Variants in KCNMB2 observed in about 807,000 individuals in gnomAD.
KCNMB2 encodes the protein potassium calcium-activated channel subfamily M regulatory beta subunit 2.
Under a neutral mutation model 24.5 loss-of-function variants are expected in KCNMB2, and 9 were observed. That is an observed-to-expected ratio of 0.37 (90% confidence interval 0.22 to 0.64). The LOEUF (loss-of-function observed/expected upper bound fraction) is 0.64. Ranked by LOEUF, KCNMB2 falls within the 30% of genes least tolerant of loss-of-function variation. The pLI is 0.63. For missense variants in KCNMB2, 226 were observed against 284.3 expected, an observed-to-expected ratio of 0.79 and a Z score of 1.47; for synonymous variants, 109 against 104.4, an observed-to-expected ratio of 1.04 and a Z score of -0.27.
chr3:178,696,823 G>C (rs1009144714), intron 1 of KCNMB2, among the ~76,000 whole-genome samples: 3 of 151,718 alleles, frequency 2.0e-5, no homozygotes, highest in Non-Finnish European at 2.9e-5. Context: ...AGTAAATAAT[G>C]ATATTATTTA....
At chr3:178,564,681 TA>T (rs1716455122) in intron 1 of KCNMB2, among the ~76,000 whole-genome samples, 1 of 152,164 alleles carries the variant, frequency 6.6e-6, no homozygotes, top group Admixed American at 6.5e-5. Flanking sequence ...GAGCTCAGTT[TA>T]AAAAACTTGC....
chr3:178,824,444 T>C (rs1456374948), intron 2 of KCNMB2: 2 of 152,294 alleles, frequency 1.3e-5, no homozygotes, highest in African/African-American at 4.8e-5. Flanking sequence ...CTTGGCTCAC[T>C]GCAAGCTCCG....
At chr3:178,660,381 A>G (rs1720482398) in intron 1 of KCNMB2, among the ~76,000 whole-genome samples, 1 of 152,142 alleles carries the variant, frequency 6.6e-6, no homozygotes, top group African/African-American at 2.4e-5. Context: ...AGATATTACC[A>G]TCAGGACTAG....
At chr3:178,689,227 G>A (rs1435925377) in intron 1 of KCNMB2, among the ~76,000 whole-genome samples, 1 of 152,058 alleles carries the variant, frequency 6.6e-6, no homozygotes, top group Non-Finnish European at 1.5e-5. Flanking sequence ...ATAATGATGA[G>A]CATCTTTATA....
chr3:178,601,465 T>C (rs1477773), intron 1 of KCNMB2, among the ~76,000 whole-genome samples: 81,973 of 152,120 alleles, frequency 0.54, 23,775 homozygotes, highest in African/African-American at 0.77. Context: ...GTTTTTCAGT[T>C]GTACGAAAAT....
At chr3:178,665,959 G>A (rs542654881) in intron 1 of KCNMB2, among the ~76,000 whole-genome samples, 2 of 152,072 alleles carry the variant, frequency 1.3e-5, no homozygotes, top group Non-Finnish European at 2.9e-5. Flanking sequence ...TTTCTATTAC[G>A]CCTCCAGCTA....
chr3:178,755,019 T>C (rs1276779179), intron 1 of KCNMB2, among the ~76,000 whole-genome samples: 1 of 152,218 alleles, frequency 6.6e-6, no homozygotes, highest in Non-Finnish European at 1.5e-5. Flanking sequence ...AGATGGACCA[T>C]TTCCCCATTC....
chr3:178,573,738 C>T (rs1716891173), intron 1 of KCNMB2, among the ~76,000 whole-genome samples: 2 of 117,530 alleles, frequency 1.7e-5, no homozygotes, highest in African/African-American at 3.6e-5. Context: ...CAGAGTGAGA[C>T]CCTGTCTCAA....
chr3:178,606,156 C>T (rs1000486831), intron 1 of KCNMB2, among the ~76,000 whole-genome samples: 2 of 152,120 alleles, frequency 1.3e-5, no homozygotes, highest in Non-Finnish European at 2.9e-5. Flanking sequence ...CTTATAGATA[C>T]GTTTTATAGT....
intron 1 of KCNMB2, among the ~76,000 whole-genome samples, chr3:178,540,119 A>G (rs1267318961): frequency 6.6e-6 from 1 of 152,124 alleles, no homozygotes; most frequent in Admixed American, 6.6e-5. Context: ...CTCCTTCTAT[A>G]TTTTTCTCCA....
At chr3:178,758,427 G>GAC (rs1553774662) in intron 1 of KCNMB2, among the ~76,000 whole-genome samples, 298 of 27,686 alleles carry the variant, frequency 0.011, 30 homozygotes, top group Non-Finnish European at 0.018. Flanking sequence ...TCCAAGAGGG[G>GAC]ATATATATAT....
chr3:178,653,462 C>T (rs112129595), intron 1 of KCNMB2, among the ~76,000 whole-genome samples: 9 of 151,560 alleles, frequency 5.9e-5, no homozygotes, highest in African/African-American at 1.9e-4. Context: ...TGTACTGTAC[C>T]AAATAGTAGT....
intron 1 of KCNMB2, chr3:178,757,000 T>G (rs907722584): frequency 1.1e-4 from 16 of 151,632 alleles, no homozygotes; most frequent in African/African-American, 3.9e-4. Context: ...GGCACTAAAG[T>G]GACAATGAAA....
intron 4 of KCNMB2, among the ~76,000 whole-genome samples, chr3:178,838,939 A>G (rs983829855): frequency 6.6e-6 from 1 of 152,226 alleles, no homozygotes; most frequent in African/African-American, 2.4e-5. Flanking sequence ...TAATTTTCCA[A>G]CTGAAAATTA....
intron 1 of KCNMB2, among the ~76,000 whole-genome samples, chr3:178,706,669 A>G (rs1427023409): frequency 6.6e-6 from 1 of 152,104 alleles, no homozygotes; most frequent in Non-Finnish European, 1.5e-5. Context: ...GATGATTAAG[A>G]ACAGCTCTCT....
chr3:178,610,916 T>G (rs1350808763), intron 1 of KCNMB2, among the ~76,000 whole-genome samples: 1 of 152,244 alleles, frequency 6.6e-6, no homozygotes, highest in Non-Finnish European at 1.5e-5. Context: ...CTATACCTAG[T>G]CTTCCTGACG....
intron 1 of KCNMB2, among the ~76,000 whole-genome samples, chr3:178,761,416 C>T (rs1711871236): frequency 6.6e-6 from 1 of 152,308 alleles, no homozygotes; most frequent in African/African-American, 2.4e-5. Context: ...ATAAATCTTT[C>T]TTAACAGATA....
intron 4 of KCNMB2, among the ~76,000 whole-genome samples, chr3:178,838,405 T>C (rs1481749051): frequency 5.9e-5 from 9 of 152,304 alleles, no homozygotes; most frequent in Non-Finnish European, 1.2e-4. Flanking sequence ...GTATTCACAT[T>C]TATTCTTAGC....
chr3:178,599,394 T>C (rs1717997653), intron 1 of KCNMB2, among the ~76,000 whole-genome samples: 1 of 152,160 alleles, frequency 6.6e-6, no homozygotes, highest in Non-Finnish European at 1.5e-5. Flanking sequence ...CTTGGAATTA[T>C]ATGGCAAGCT....
Sources: gnomAD v4.1 joint callset for allele counts (sites outside exome capture counted in the v4.1 genomes callset) on GRCh38, gnomAD v4.1.1 for gene constraint, MANE v1.5 for transcripts, NCBI Gene and HGNC (gene_info 2026-07-23, HGNC 2026-07-21) for gene names.